The following PLCB3 variants were observed in gnomAD, a reference collection of about 807,000 sequenced individuals.
The protein encoded by PLCB3 is 1-phosphatidylinositol 4,5-bisphosphate phosphodiesterase beta-3.
In PLCB3, 54 loss-of-function variants were observed where a neutral mutation model predicts 152.1. The observed-to-expected ratio is 0.36, with a 90% CI of 0.29 to 0.45. The LOEUF (loss-of-function observed/expected upper bound fraction) is 0.45. PLCB3 is among the 20% of genes least tolerant of loss of function. PLCB3 has a pLI of 1.00. For missense variants in PLCB3, 1,248 were observed against 1,687.5 expected (o/e 0.74, Z 4.56); for synonymous variants, 717 against 698.7 (o/e 1.03, Z -0.41).
chr11:64,261,572 A>T lies in PLCB3; in HGVS notation c.1829-9A>T, dbSNP rs764697638. ...CAGGTCTGACGCCCTTTCTTGGCTC[A>T]CCCCTAAGAGAGGAACAAATGCTTC... On this transcript the variant is annotated splice_polypyrimidine_tract_variant and intron_variant, in intron 15 of 30. Coordinates refer to ENST00000279230, the MANE Select transcript of PLCB3 (RefSeq NM_000932.5). 6.2e-7 allele frequency: 1 copy of T among 1,613,940 alleles called. No individual in the cohort carries two copies. The highest frequency in any genetic ancestry group is 1.1e-5 in the South Asian group (1 of 91,076).
chr11:64,262,102 A>T (rs1410494363), intron 17 of PLCB3, 26 bp downstream of exon 17: 5 of 1,613,136 alleles, frequency 3.1e-6, no homozygotes, highest in Non-Finnish European at 4.2e-6. Flanking sequence ...CTCCATCTTG[A>T]CCCCGACCCT....
At chr11:64,252,885 C>T (rs2031308024) in intron 1 of PLCB3, among the ~76,000 whole-genome samples, 1 of 152,122 alleles carries the variant, frequency 6.6e-6, no homozygotes, top group African/African-American at 2.4e-5. Context: ...GGTCCAGACC[C>T]CTGGGGAGAG....
chr11:64,267,175 A>G lies in PLCB3; in HGVS notation c.3415-10A>G. ...GGGCCCCTCAGCTGAGCCCTTGCCC[A>G]CCCCTGTAGCTGGAGGAGGCCCAGA... On this transcript the variant is annotated splice_polypyrimidine_tract_variant and intron_variant, in intron 29 of 30. Transcript: ENST00000279230. The surrounding 1 kb of genome is among the most constrained non-coding windows in gnomAD (Gnocchi z 5.2). 6 of 1,549,170 alleles carry G rather than the reference A, an allele frequency of 3.9e-6. No individual in the cohort carries two copies. In the South Asian group the frequency reaches 7.1e-5, roughly 18 times the overall value.
At chr11:64,259,665 G>A (rs937358744) in intron 13 of PLCB3, among the ~76,000 whole-genome samples, 5 of 151,960 alleles carry the variant, frequency 3.3e-5, no homozygotes, top group African/African-American at 1.2e-4. Context: ...ACCTCACTAT[G>A]CCCCCTCCTT....
At chr11:64,256,916 A>C (rs1036415353) in intron 10 of PLCB3, 152 bp downstream of exon 10, 2 of 782,308 alleles carry the variant, frequency 2.6e-6, no homozygotes, top group African/African-American at 3.5e-5. Flanking sequence ...AGCCCTGAGC[A>C]GTGGGGCCTC....
In PLCB3 at chr11:64,266,520, C is replaced by T. The variant is rs146026378; in HGVS notation, c.3382C>T (p.His1128Tyr). The change falls in exon 29 of 31, where the codon CAC becomes TAC. Residue 1128 changes from histidine (H) to tyrosine (Y), a missense_variant. Around this residue, in one of 6 missense-constraint regions of PLCB3, gnomAD observed 477 missense variants for 489.6 expected, o/e 0.97. Transcript: ENST00000279230. This position sits in a 1 kb window ranked among gnomAD's most constrained non-coding sequence, Gnocchi z 4.9. ...GGAACTGACGGAGATTAACCGTCGG[C>T]ACATCACTGAGTCAGTCAACTCCAT... is the stretch of plus-strand genomic sequence containing the variant. ...EAELTEINRR[H>Y]ITESVNSIRR... 5 of 1,613,920 alleles carry T rather than the reference C, an allele frequency of 3.1e-6. No homozygotes were observed. The highest frequency in any genetic ancestry group is 4.2e-6 in the Non-Finnish European group (5 of 1,179,954).
intron 14 of PLCB3, 131 bp from the exon 15 acceptor site, chr11:64,261,269 G>T: frequency 1.4e-6 from 1 of 722,250 alleles, no homozygotes; most frequent in East Asian, 2.7e-5. Flanking sequence ...CCGGGGAGAA[G>T]ACTGTCGGCA....
Position 64,258,158 on chromosome 11 carries a change from A to G in PLCB3, c.1013-315A>G, listed in dbSNP as rs949055747. ...GACAGAGCGAGGTTCCGTCTCAAAAAAAAAAAAAAAAGAGATTGGATTGGA... is the reference window on the plus strand; with the variant it reads ...GACAGAGCGAGGTTCCGTCTCAAAAGAAAAAAAAAAAGAGATTGGATTGGA... On this transcript the variant is annotated intron_variant, in intron 10 of 30. Coordinates refer to ENST00000279230, the MANE Select transcript of PLCB3 (RefSeq NM_000932.5). The surrounding 1 kb of genome is among the most constrained non-coding windows in gnomAD (Gnocchi z 7.2). 2.6e-5 allele frequency among the ~76,000 whole-genome samples: 4 copies of G among 151,620 alleles called. No homozygotes were observed. The highest frequency in any genetic ancestry group is 9.7e-5 in the African/African-American group (4 of 41,328).
At position 64,261,962 on chromosome 11, in the gene PLCB3, C is replaced by A. The variant is rs773649985; in HGVS notation, c.1924C>A (p.Gln642Lys). ...GACCACCAATCTCAGATACAACAAG[C>A]AGCAGCTCAGCCGCATCTACCCCAA... ...SPMEFVEYNK[Q>K]QLSRIYPKGT... Residue 642 changes from glutamine to lysine, a missense_variant, in exon 17 of 31, where the codon CAG (glutamine) becomes AAG (lysine). Physicochemically the swap from Gln to Lys is moderately conservative, Grantham distance 53. Transcript: ENST00000279230. 6.2e-7 allele frequency: 1 copy of A among 1,614,162 alleles called. No individual in the cohort carries two copies. Among genetic ancestry groups the A allele is most frequent in the Non-Finnish European group, 8.5e-7 (1 of 1,179,998 alleles).
chr11:64,262,207 C>A, intron 17 of PLCB3, 131 bp downstream of exon 17: 1 of 1,372,502 alleles, frequency 7.3e-7, no homozygotes, highest in Non-Finnish European at 1.0e-6. Context: ...ACCCAGCTCC[C>A]GACTCACCCC....
At chr11:64,263,057 G>A (rs1216100523) in intron 19 of PLCB3, among the ~76,000 whole-genome samples, 5 of 152,192 alleles carry the variant, frequency 3.3e-5, no homozygotes, top group African/African-American at 9.7e-5. Context: ...TGTCCCCTGC[G>A]AGGAGTGGAC....
chr11:64,265,782 G>A, intron 25 of PLCB3, 104 bp from the exon 26 acceptor site: 3 of 1,429,800 alleles, frequency 2.1e-6, no homozygotes, highest in Non-Finnish European at 2.8e-6. Context: ...GGCCCCATGG[G>A]ATGGTGTCTG....
chr11:64,256,400 G>A lies in PLCB3; in HGVS notation c.723G>A (p.Leu241=). ...LEIGAKGKPY[L]TLEQLMDFIN... is the part of the protein sequence containing the mutation. The stretch of plus-strand genomic sequence containing the variant: ...GAGGCGCCAAGGGCAAGCCATACCT[G>A]ACGCTGGAGCAGCTCATGGACTTCA... Residue 241 remains leucine, a synonymous_variant, in exon 9 of 31, where the codon CTG becomes CTA. Transcript: ENST00000279230. The A allele has an allele frequency of 6.2e-7, 1 of 1,613,642 alleles. No individual in the cohort carries two copies. Among genetic ancestry groups the A allele is most frequent in the South Asian group, 1.1e-5 (1 of 91,086 alleles).
rs1330888117 is a variant in PLCB3, at chr11:64,258,845, C to T, written c.1254-40C>T. 1 of 1,611,438 alleles carries T rather than the reference C, an allele frequency of 6.2e-7. No homozygotes were observed. ...TGTCCCGTAGACCTCAGCTTCCTCT[C>T]TGGGGGAGGGATCTCTGACCTCTGA... On this transcript the variant is annotated intron_variant, in intron 11 of 30. Coordinates refer to ENST00000279230, the MANE Select transcript of PLCB3 (RefSeq NM_000932.5). The surrounding 1 kb of genome is among the most constrained non-coding windows in gnomAD (Gnocchi z 7.2).
Position 64,267,291 on chromosome 11 carries a change from G to A in PLCB3, c.3501+20G>A, listed in dbSNP as rs1427249152. ...CCCAAGGTGAGGCCATGGGCGAACA[G>A]GTGGGCAGACGGGGTGCAAGGCAGC... On this transcript the variant is annotated intron_variant, in intron 30 of 30. Coordinates refer to ENST00000279230, the MANE Select transcript of PLCB3 (RefSeq NM_000932.5). The surrounding 1 kb of genome is among the most constrained non-coding windows in gnomAD (Gnocchi z 5.2). 6.4e-6 allele frequency: 10 copies of A among 1,550,902 alleles called. No individual in the cohort carries two copies. The Admixed American group carries it at 1.4e-4, about 21-fold the overall frequency.
At position 64,262,581 on chromosome 11, in the gene PLCB3, C is replaced by A; in HGVS notation, c.2193+20C>A. On this transcript the variant is annotated intron_variant, in intron 18 of 30. Coordinates refer to ENST00000279230, the MANE Select transcript of PLCB3 (RefSeq NM_000932.5). Reference sequence around the variant, plus strand: ...GTCAAGGTGGGGCTTGCGGGCGGCTCAGGCCAGGGGTGTCCTGGGGGCAGG... The same window carrying A: ...GTCAAGGTGGGGCTTGCGGGCGGCTAAGGCCAGGGGTGTCCTGGGGGCAGG... 6.2e-7 allele frequency: 1 copy of A among 1,612,746 alleles called. No individual in the cohort carries two copies. The highest frequency in any genetic ancestry group is 8.5e-7 in the Non-Finnish European group (1 of 1,179,180).
At chr11:64,256,273 T>C in intron 8 of PLCB3, 103 bp from the exon 9 acceptor site, 2 of 1,043,624 alleles carry the variant, frequency 1.9e-6, no homozygotes, top group Non-Finnish European at 2.8e-6. Flanking sequence ...GGGTGCCAGA[T>C]CCAGGGGCAG....
At position 64,267,820 on chromosome 11, in the gene PLCB3, CG is replaced by C; in HGVS notation, c.*267del. The C allele has an allele frequency of 2.3e-6, 1 of 432,458 alleles. No individual in the cohort carries two copies. The allele number at this position is 432,458 out of a possible 1,614,324, so 26.8% of individuals were successfully genotyped here. A position where few individuals can be genotyped will look rare whatever the true frequency, so the allele number is the denominator to read the frequency against. On this transcript the variant is annotated 3_prime_UTR_variant, in exon 31 of 31. Transcript: ENST00000279230. The surrounding 1 kb of genome is among the most constrained non-coding windows in gnomAD (Gnocchi z 5.2). ...AGCTAGCAGCGTCTCCTCCCTTCCC[CG>C]GGAGAGCTGGCTGGAGACTTGGAGC... is the stretch of plus-strand genomic sequence containing the variant.
rs2031707792 is a variant in PLCB3 at position 64,259,177 on chromosome 11, C to T, written c.1458C>T (p.Pro486=). ...GGPDSAGRKR[P]LEQSNSALSE... ...CAGACAGCGCCGGGCGCAAGCGGCCCCTGGAGCAGAGCAATTCTGCCCTGA... is the reference window on the plus strand; with the variant it reads ...CAGACAGCGCCGGGCGCAAGCGGCCTCTGGAGCAGAGCAATTCTGCCCTGA... The change falls in exon 13 of 31, where the codon CCC becomes CCT. Residue 486 remains proline (P), a synonymous_variant. Coordinates refer to ENST00000279230, the MANE Select transcript of PLCB3 (RefSeq NM_000932.5). The T allele has an allele frequency of 2.5e-6, 4 of 1,599,826 alleles. No individual in the cohort carries two copies. Among genetic ancestry groups the T allele is most frequent in the African/African-American group, 2.7e-5 (2 of 74,532 alleles).
Sources: allele counts gnomAD v4.1 joint callset (sites outside exome capture counted in the v4.1 genomes callset), GRCh38; gene constraint gnomAD v4.1.1; regional missense constraint gnomAD v4.1.1; non-coding constraint Gnocchi (gnomAD v3.1); transcripts MANE v1.5; gene names NCBI Gene and HGNC (gene_info 2026-07-23, HGNC 2026-07-21).